The following CHD9 variants were observed in gnomAD, a reference collection of about 807,000 sequenced individuals.
CHD9 encodes the protein chromodomain helicase DNA binding protein 9.
A neutral mutation model predicts 316.1 loss-of-function variants in CHD9; 77 were observed. That is an observed-to-expected ratio of 0.24 (90% CI 0.20 to 0.29). CHD9 has a LOEUF of 0.29. Ranked by LOEUF, CHD9 falls within the 10% of genes least tolerant of loss-of-function variation. CHD9 has a pLI of 1.00. For missense variants in CHD9, 2,763 were observed against 3,438.1 expected (o/e 0.80, Z 4.91); for synonymous variants, 1,129 against 1,158.3 (o/e 0.97, Z 0.51).
intron 2 of CHD9, among the ~76,000 whole-genome samples, chr16:53,202,847 C>A (rs191751022): frequency 3.4e-4 from 51 of 152,048 alleles, no homozygotes; most frequent in East Asian, 2.3e-3. Flanking sequence ...GAAAATAAAC[C>A]TTTTAATTTG....
At chr16:53,240,437 A>G (rs1035203350) in intron 12 of CHD9, among the ~76,000 whole-genome samples, 4 of 152,124 alleles carry the variant, frequency 2.6e-5, no homozygotes, top group Non-Finnish European at 5.9e-5. Context: ...ACTGAATTGT[A>G]TATATTAAAT....
intron 24 of CHD9, among the ~76,000 whole-genome samples, chr16:53,275,612 T>A (rs1352694018): frequency 6.6e-6 from 1 of 152,178 alleles, no homozygotes; most frequent in Non-Finnish European, 1.5e-5. Flanking sequence ...TTCCCAGTTT[T>A]CTTCTCCATT....
intron 1 of CHD9, among the ~76,000 whole-genome samples, chr16:53,076,440 T>C (rs932252172): frequency 3.3e-5 from 5 of 151,994 alleles, no homozygotes; most frequent in African/African-American, 1.2e-4. Context: ...TCAGGCATGG[T>C]GGCAGGCGCC....
intron 30 of CHD9, chr16:53,299,355 G>T (rs949827778): frequency 1.9e-5 from 3 of 161,216 alleles, no homozygotes; most frequent in Non-Finnish European, 4.0e-5. Context: ...CATGGTCAAC[G>T]CTGTCTTGAC....
intron 24 of CHD9, among the ~76,000 whole-genome samples, chr16:53,277,793 A>G (rs1010236771): frequency 9.9e-5 from 15 of 152,194 alleles, no homozygotes; most frequent in African/African-American, 3.6e-4. Flanking sequence ...AGGGCATCCA[A>G]ATTGGTAAAG....
chr16:53,319,000 G>A (rs2153110143), intron 37 of CHD9, among the ~76,000 whole-genome samples: 1 of 152,212 alleles, frequency 6.6e-6, no homozygotes, highest in South Asian at 2.1e-4. Context: ...CCACCTTTGT[G>A]GCTTATCTTC....
intron 4 of CHD9, 25 bp downstream of exon 4, chr16:53,222,780 A>C (rs1328063323): frequency 9.4e-7 from 1 of 1,060,834 alleles, no homozygotes; most frequent in African/African-American, 1.6e-5. Context: ...TTTTTCTAGA[A>C]ATGAAACACT....
chr16:53,181,582 T>A (rs1302855664), intron 2 of CHD9, among the ~76,000 whole-genome samples: 3 of 152,164 alleles, frequency 2.0e-5, no homozygotes, highest in African/African-American at 7.2e-5. Context: ...AAACTAAATT[T>A]TTTTTGGAGT....
At chr16:53,144,994 CAAA>C (rs60107956) in intron 1 of CHD9, among the ~76,000 whole-genome samples, 19 of 113,486 alleles carry the variant, frequency 1.7e-4, no homozygotes, top group Non-Finnish European at 1.3e-4. Flanking sequence ...GACCCTGTCT[CAAA>C]AAAAAAAAAA....
intron 1 of CHD9, among the ~76,000 whole-genome samples, chr16:53,119,728 A>C (rs2038593365): frequency 6.6e-6 from 1 of 152,178 alleles, no homozygotes; most frequent in African/African-American, 2.4e-5. Flanking sequence ...GCTACTTGGG[A>C]GGCTGAGGCA....
intron 2 of CHD9, among the ~76,000 whole-genome samples, chr16:53,197,928 G>A (rs1167571516): frequency 1.3e-5 from 2 of 152,094 alleles, no homozygotes; most frequent in East Asian, 3.9e-4. Flanking sequence ...AAAGTACTGG[G>A]ATTACAGACA....
chr16:53,181,256 G>T (rs968261893), intron 2 of CHD9, among the ~76,000 whole-genome samples: 1 of 151,968 alleles, frequency 6.6e-6, no homozygotes, highest in Non-Finnish European at 1.5e-5. Flanking sequence ...GGTGATCTGC[G>T]GGCCTTGGCC....
intron 3 of CHD9, among the ~76,000 whole-genome samples, chr16:53,210,177 A>G (rs1297994752): frequency 2.0e-5 from 3 of 152,056 alleles, no homozygotes; most frequent in South Asian, 4.1e-4. Flanking sequence ...GAAATTCTTT[A>G]TAAGATTCTT....
At chr16:53,126,823 C>T (rs1403728177) in intron 1 of CHD9, among the ~76,000 whole-genome samples, 1 of 152,114 alleles carries the variant, frequency 6.6e-6, no homozygotes, top group Non-Finnish European at 1.5e-5. Flanking sequence ...GGATTACAGG[C>T]ATGTGCCACC....
intron 27 of CHD9, among the ~76,000 whole-genome samples, chr16:53,288,338 G>C (rs865981173): frequency 6.6e-6 from 1 of 152,204 alleles, no homozygotes; most frequent in African/African-American, 2.4e-5. Context: ...AGATACTAAA[G>C]ATATACTGCA....
chr16:53,291,616 C>A, intron 27 of CHD9, 109 bp from the exon 28 acceptor site: 1 of 671,546 alleles, frequency 1.5e-6, no homozygotes, highest in South Asian at 2.1e-5. Flanking sequence ...TTTAACATTC[C>A]ATTGGGGGAG....
intron 1 of CHD9, among the ~76,000 whole-genome samples, chr16:53,072,427 T>C (rs1270568441): frequency 2.1e-5 from 3 of 141,460 alleles, no homozygotes; most frequent in Admixed American, 7.5e-5. Context: ...TGAGGCAGGG[T>C]CTTGCTCTGT....
chr16:53,055,669 C>T (rs148653111), intron 1 of CHD9, among the ~76,000 whole-genome samples: 1 of 152,254 alleles, frequency 6.6e-6, no homozygotes, highest in Non-Finnish European at 1.5e-5. Context: ...ATGATTCCCT[C>T]CTCCTCCTAT....
At chr16:53,289,420 A>G (rs1327503808) in intron 27 of CHD9, among the ~76,000 whole-genome samples, 5 of 152,116 alleles carry the variant, frequency 3.3e-5, no homozygotes. Flanking sequence ...AAAAATGTGG[A>G]AAATACATTT....
Sources: gnomAD v4.1 joint callset for allele counts (sites outside exome capture counted in the v4.1 genomes callset) on GRCh38, gnomAD v4.1.1 for gene constraint, MANE v1.5 for transcripts, NCBI Gene and HGNC (gene_info 2026-07-23, HGNC 2026-07-21) for gene names.